MARCHF1: variants seen among roughly 807,000 people sequenced by gnomAD.
MARCHF1 encodes the protein membrane associated ring-CH-type finger 1.
MARCHF1 carries 40 observed loss-of-function variants against 54.2 expected under a neutral mutation model. The observed-to-expected ratio is 0.74, with a 90% confidence interval of 0.57 to 0.96. The LOEUF (loss-of-function observed/expected upper bound fraction) is 0.96, where lower values mean the gene tolerates loss of function less well. Ranked by LOEUF, MARCHF1 falls within the 40% of genes least tolerant of loss-of-function variation. MARCHF1 has a pLI of 0.00. For synonymous variants in MARCHF1, 236 were observed against 236.3 expected (o/e 1.00, Z 0.01); for missense variants, 586 against 656.5 (o/e 0.89, Z 1.17).
intron 8 of MARCHF1, among the ~76,000 whole-genome samples, chr4:163,561,578 C>G (rs1739470228): frequency 6.6e-6 from 1 of 152,074 alleles, no homozygotes; most frequent in Admixed American, 6.5e-5. Flanking sequence ...TCACTATTAG[C>G]ACGTTTTGAA....
At chr4:163,964,121 C>T (rs957272794) in intron 3 of MARCHF1, among the ~76,000 whole-genome samples, 9 of 151,958 alleles carry the variant, frequency 5.9e-5, no homozygotes, top group Non-Finnish European at 1.0e-4. Flanking sequence ...TCACCTGCAC[C>T]GGTGCTTACC....
intron 4 of MARCHF1, among the ~76,000 whole-genome samples, chr4:163,841,596 A>T (rs552687661): frequency 2.6e-5 from 4 of 152,226 alleles, no homozygotes; most frequent in African/African-American, 9.6e-5. Context: ...TCACATAGTC[A>T]GAGGCAGTAA....
intron 3 of MARCHF1, among the ~76,000 whole-genome samples, chr4:163,893,390 C>T (rs1750706403): frequency 6.6e-6 from 1 of 152,146 alleles, no homozygotes; most frequent in Admixed American, 6.5e-5. Context: ...CTGCCCACCT[C>T]TGCCTCCCAA....
intron 2 of MARCHF1, among the ~76,000 whole-genome samples, chr4:164,064,460 T>C (rs769223674): frequency 6.6e-6 from 1 of 152,194 alleles, no homozygotes; most frequent in African/African-American, 2.4e-5. Context: ...TTGACTGTTG[T>C]TGGTTTATAG....
intron 1 of MARCHF1, among the ~76,000 whole-genome samples, chr4:164,314,577 C>G (rs1182760700): frequency 6.6e-6 from 1 of 152,162 alleles, no homozygotes; most frequent in Non-Finnish European, 1.5e-5. Context: ...AATTTTAACC[C>G]TGGAAAAATC....
At chr4:163,995,308 T>C (rs1168373882) in intron 2 of MARCHF1, among the ~76,000 whole-genome samples, 1 of 152,100 alleles carries the variant, frequency 6.6e-6, no homozygotes, top group African/African-American at 2.4e-5. Context: ...GGGTGCCAAG[T>C]TTACATGTAT....
chr4:163,639,114 A>G (rs1230970384), intron 5 of MARCHF1, among the ~76,000 whole-genome samples: 3 of 152,180 alleles, frequency 2.0e-5, no homozygotes, highest in Non-Finnish European at 4.4e-5. Flanking sequence ...ATTTGATTAC[A>G]CAACAATGTG....
chr4:164,225,290 T>C (rs1732220158), intron 1 of MARCHF1, among the ~76,000 whole-genome samples: 1 of 152,046 alleles, frequency 6.6e-6, no homozygotes, highest in Non-Finnish European at 1.5e-5. Context: ...TTGCCTAATG[T>C]TTTTTATAAA....
At chr4:163,541,227 T>C (rs1738714495) in intron 9 of MARCHF1, among the ~76,000 whole-genome samples, 2 of 152,214 alleles carry the variant, frequency 1.3e-5, no homozygotes, top group South Asian at 4.1e-4. Flanking sequence ...CTGGAGGAGC[T>C]TGGAGGCTTG....
At chr4:163,829,057 C>T (rs1748940587) in intron 4 of MARCHF1, 1 of 152,150 alleles carries the variant, frequency 6.6e-6, no homozygotes. Flanking sequence ...AGCATCTGAA[C>T]CAACCCTGTC....
intron 8 of MARCHF1, 77 bp downstream of exon 8, chr4:163,585,672 G>A (rs540340348): frequency 8.3e-7 from 1 of 1,208,174 alleles, no homozygotes; most frequent in Non-Finnish European, 1.2e-6. Flanking sequence ...GAATCGTATT[G>A]GCAAAGGAAA....
At chr4:163,747,203 G>C (rs568560183) in intron 4 of MARCHF1, among the ~76,000 whole-genome samples, 1 of 152,286 alleles carries the variant, frequency 6.6e-6, no homozygotes, top group South Asian at 2.1e-4. Context: ...CTTAGATGAG[G>C]GGAAAAATAT....
intron 4 of MARCHF1, among the ~76,000 whole-genome samples, chr4:163,841,837 A>C (rs537069447): frequency 6.6e-6 from 1 of 152,242 alleles, no homozygotes; most frequent in South Asian, 2.1e-4. Context: ...TGGATTGTTA[A>C]ATTTTATTCC....
intron 1 of MARCHF1, among the ~76,000 whole-genome samples, chr4:164,186,519 G>A (rs34417726): frequency 0.16 from 23,781 of 152,108 alleles, 2,638 homozygotes; most frequent in African/African-American, 0.3. Flanking sequence ...TTGGAAGGGT[G>A]ACTTTTGTGT....
At chr4:163,999,273 C>A (rs1753140780) in intron 2 of MARCHF1, among the ~76,000 whole-genome samples, 1 of 151,480 alleles carries the variant, frequency 6.6e-6, no homozygotes, top group Non-Finnish European at 1.5e-5. Flanking sequence ...TGCATGTAAA[C>A]TCCTTGGTAC....
intron 3 of MARCHF1, among the ~76,000 whole-genome samples, chr4:163,857,417 G>C (rs1312914892): frequency 1.3e-5 from 2 of 151,996 alleles, no homozygotes; most frequent in South Asian, 2.1e-4. Context: ...CAGCCAGAAG[G>C]GTAGGCAAAT....
chr4:163,621,978 C>G (rs72991545), intron 5 of MARCHF1, among the ~76,000 whole-genome samples: 13,029 of 151,966 alleles, frequency 0.086, 1,742 homozygotes, highest in African/African-American at 0.29. Context: ...GCACCGGTGT[C>G]TTAGGGTAGG....
Position 164,108,110 on chromosome 4 carries a change from CTTTTGTGACTA to C in MARCHF1, c.-248+3467_-248+3477del, listed in dbSNP as rs1579541550. Among the ~76,000 whole-genome samples, 5 of 152,084 alleles carry C rather than the reference CTTTTGTGACTA, an allele frequency of 3.3e-5. No homozygotes were observed. In the South Asian group the frequency reaches 1.0e-3, roughly 32 times the overall value. The stretch of plus-strand genomic sequence containing the variant: ...ATAGAATAGCATTTCATTGAACTGT[CTTTTGTGACTA>C]TCTCTGAACAAAGTATAGGCTGCCT... On this transcript the variant is annotated intron_variant, in intron 2 of 9. Coordinates refer to ENST00000514618, the MANE Select transcript of MARCHF1 (RefSeq NM_001394959.1).
intron 1 of MARCHF1, among the ~76,000 whole-genome samples, chr4:164,159,770 G>A (rs896267860): frequency 6.6e-6 from 1 of 152,152 alleles, no homozygotes; most frequent in East Asian, 1.9e-4. Flanking sequence ...AAGCTAGCAG[G>A]AAATAGAGTA....
Sources: gnomAD v4.1 joint callset for allele counts (sites outside exome capture counted in the v4.1 genomes callset) on GRCh38, gnomAD v4.1.1 for gene constraint, MANE v1.5 for transcripts, NCBI Gene and HGNC (gene_info 2026-07-23, HGNC 2026-07-21) for gene names.